The following ZNRF1 variants were observed in gnomAD, a reference collection of about 807,000 sequenced individuals.
ZNRF1 encodes the protein zinc and ring finger 1, also known as E3 ubiquitin-protein ligase ZNRF1.
A neutral mutation model predicts 18.4 loss-of-function variants in ZNRF1; 3 were observed. That is an observed-to-expected ratio of 0.16 (90% CI 0.07 to 0.42). ZNRF1 has a LOEUF of 0.42. Ranked by LOEUF, ZNRF1 falls within the 10% of genes least tolerant of loss-of-function variation. ZNRF1 has a pLI of 0.99. For synonymous variants in ZNRF1, 157 were observed against 144.2 expected, an observed-to-expected ratio of 1.09 and a Z score of -0.64; for missense variants, 310 against 329.8, an observed-to-expected ratio of 0.94 and a Z score of 0.47.
At chr16:75,086,791 G>C (rs1436146604) in intron 1 of ZNRF1, among the ~76,000 whole-genome samples, 1 of 152,186 alleles carries the variant, frequency 6.6e-6, no homozygotes, top group Non-Finnish European at 1.5e-5. Context: ...CCTCAGCCAA[G>C]AGTTACCCTC....
At chr16:75,022,902 A>G (rs558611266) in intron 1 of ZNRF1, among the ~76,000 whole-genome samples, 57 of 152,312 alleles carry the variant, frequency 3.7e-4, no homozygotes, top group African/African-American at 1.3e-3. Context: ...TTCTGCATCA[A>G]CTATGTTTAG....
chr16:75,021,651 T>C (rs980563628), intron 1 of ZNRF1, among the ~76,000 whole-genome samples: 1 of 152,236 alleles, frequency 6.6e-6, no homozygotes, highest in Non-Finnish European at 1.5e-5. Flanking sequence ...GATGATGTTA[T>C]TGTGTTTCAT....
At position 74,999,170 on chromosome 16, in the gene ZNRF1, G is replaced by A. The variant is rs2034798894; in HGVS notation, c.-502G>A. The A allele has an allele frequency of 6.8e-6, 1 of 146,952 alleles. No individual in the cohort carries two copies. Among genetic ancestry groups the A allele is most frequent in the Non-Finnish European group, 1.5e-5 (1 of 66,040 alleles). 9.1% of individuals were successfully genotyped at this position (146,952 alleles called of 1,614,324 possible). On this transcript the variant is annotated 5_prime_UTR_variant, in exon 1 of 5. Coordinates refer to ENST00000335325, the MANE Select transcript of ZNRF1 (RefSeq NM_032268.5). ...GAGCTGCGCCTGGCCGCCCAGCGCC[G>A]CGGCCCGCCCGAGGCCTGGAGGGGT...
chr16:75,058,547 A>G (rs907952415), intron 1 of ZNRF1, among the ~76,000 whole-genome samples: 7 of 152,176 alleles, frequency 4.6e-5, no homozygotes, highest in Non-Finnish European at 5.9e-5. Flanking sequence ...TGGGACAACT[A>G]CTCTAGACCA....
chr16:75,000,636 AGCAGCCG>A (rs1473115569), intron 1 of ZNRF1, among the ~76,000 whole-genome samples: 6 of 152,160 alleles, frequency 3.9e-5, no homozygotes, highest in Non-Finnish European at 7.4e-5. Context: ...TTTAAAATGG[AGCAGCCG>A]GCAGGCGGCT....
intron 1 of ZNRF1, among the ~76,000 whole-genome samples, chr16:75,020,785 G>A (rs982235201): frequency 6.6e-6 from 1 of 151,968 alleles, no homozygotes; most frequent in African/African-American, 2.4e-5. Flanking sequence ...CTCATGATCC[G>A]CTGCCCTCGG....
chr16:75,077,590 T>C (rs898826827), intron 1 of ZNRF1, among the ~76,000 whole-genome samples: 2 of 152,080 alleles, frequency 1.3e-5, no homozygotes, highest in Non-Finnish European at 2.9e-5. Flanking sequence ...TCTTAGAAGG[T>C]TTTACATTCA....
intron 1 of ZNRF1, among the ~76,000 whole-genome samples, chr16:75,055,710 G>A (rs2035658820): frequency 6.6e-6 from 1 of 152,110 alleles, no homozygotes. Flanking sequence ...ACTTGACCTC[G>A]GGACCCTACC....
At chr16:75,067,397 C>T (rs2035819542) in intron 1 of ZNRF1, among the ~76,000 whole-genome samples, 1 of 152,114 alleles carries the variant, frequency 6.6e-6, no homozygotes, top group South Asian at 2.1e-4. Flanking sequence ...GTAAGAAGGT[C>T]ATGTGGGATG....
chr16:75,067,993 T>C (rs2035825197), intron 1 of ZNRF1, among the ~76,000 whole-genome samples: 1 of 152,110 alleles, frequency 6.6e-6, no homozygotes, highest in Non-Finnish European at 1.5e-5. Flanking sequence ...GTGAATATCC[T>C]ATAATTCACT....
chr16:75,031,366 G>A (rs756099400), intron 1 of ZNRF1, among the ~76,000 whole-genome samples: 4 of 151,502 alleles, frequency 2.6e-5, no homozygotes, highest in Non-Finnish European at 5.9e-5. Context: ...TCCCGACCTC[G>A]TGATCTGCCT....
At chr16:75,039,695 A>T (rs1262319085) in intron 1 of ZNRF1, among the ~76,000 whole-genome samples, 1 of 152,216 alleles carries the variant, frequency 6.6e-6, no homozygotes, top group African/African-American at 2.4e-5. Flanking sequence ...CCCACCCCAG[A>T]CCTACTGAAT....
chr16:75,060,185 C>T (rs910803422), intron 1 of ZNRF1, among the ~76,000 whole-genome samples: 2 of 151,784 alleles, frequency 1.3e-5, no homozygotes. Context: ...TCCCGAGTAG[C>T]TGGAACTACA....
At chr16:75,007,616 G>A (rs2034939128) in intron 1 of ZNRF1, among the ~76,000 whole-genome samples, 1 of 152,140 alleles carries the variant, frequency 6.6e-6, no homozygotes, top group Non-Finnish European at 1.5e-5. Context: ...GGTTCAGAAG[G>A]GTTCTTAAAG....
chr16:75,051,929 T>A (rs566425818), intron 1 of ZNRF1, among the ~76,000 whole-genome samples: 2 of 152,348 alleles, frequency 1.3e-5, no homozygotes, highest in African/African-American at 4.8e-5. Context: ...ACTATAGACA[T>A]CTGTATACTT....
chr16:75,075,266 G>C (rs958758748), intron 1 of ZNRF1, among the ~76,000 whole-genome samples: 1 of 152,222 alleles, frequency 6.6e-6, no homozygotes, highest in Non-Finnish European at 1.5e-5. Flanking sequence ...GGTGGCAGCC[G>C]AAGTAGCTCC....
intron 1 of ZNRF1, among the ~76,000 whole-genome samples, chr16:75,000,770 C>G (rs2034838231): frequency 6.6e-6 from 1 of 152,198 alleles, no homozygotes; most frequent in Admixed American, 6.5e-5. Context: ...CTCCGCGACT[C>G]TCGCCTCCCT....
chr16:75,106,675 AAGC>A (rs1483007717), intron 4 of ZNRF1, 104 bp downstream of exon 4: 2 of 828,346 alleles, frequency 2.4e-6, no homozygotes, highest in African/African-American at 3.4e-5. Context: ...ACTGAGAAGA[AAGC>A]AGGAGCAGAG....
chr16:75,087,727 C>T (rs947035533), intron 1 of ZNRF1, among the ~76,000 whole-genome samples: 5 of 152,232 alleles, frequency 3.3e-5, no homozygotes, highest in Non-Finnish European at 7.3e-5. Flanking sequence ...ACCCGGGGTA[C>T]GTTCCCTGCC....
Sources: allele counts gnomAD v4.1 joint callset (sites outside exome capture counted in the v4.1 genomes callset), GRCh38; gene constraint gnomAD v4.1.1; transcripts MANE v1.5; gene names NCBI Gene and HGNC (gene_info 2026-07-23, HGNC 2026-07-21).